Variants in AMBRA1 observed in about 807,000 individuals in gnomAD.
AMBRA1 encodes the protein activating molecule in BECN1-regulated autophagy protein 1.
AMBRA1 carries 47 observed loss-of-function variants against 125.4 expected under a neutral mutation model. The observed-to-expected ratio is 0.37, with a 90% CI of 0.30 to 0.48. The LOEUF (loss-of-function observed/expected upper bound fraction) is 0.48, where lower values mean the gene tolerates loss of function less well. Ranked by LOEUF, AMBRA1 falls within the 20% of genes least tolerant of loss-of-function variation. AMBRA1 has a pLI of 0.99. For missense variants in AMBRA1, 1,331 were observed against 1,693.4 expected (o/e 0.79, Z 3.76); for synonymous variants, 626 against 655.5 (o/e 0.95, Z 0.69).
chr11:46,550,741 G>C (rs949155717), intron 1 of AMBRA1, among the ~76,000 whole-genome samples: 3 of 151,962 alleles, frequency 2.0e-5, no homozygotes, highest in Non-Finnish European at 4.4e-5. Context: ...TCCATCTAAA[G>C]GGTACTGGAT....
intron 7 of AMBRA1, among the ~76,000 whole-genome samples, chr11:46,537,975 T>C (rs779584306): frequency 2.4e-4 from 36 of 152,310 alleles, no homozygotes; most frequent in Non-Finnish European, 8.8e-5. Flanking sequence ...ACACCTTTTC[T>C]TCCCAGTCAT....
intron 14 of AMBRA1, among the ~76,000 whole-genome samples, chr11:46,419,430 C>T (rs762915822): frequency 6.6e-6 from 1 of 152,178 alleles, no homozygotes; most frequent in Non-Finnish European, 1.5e-5. Context: ...AGAACAAACA[C>T]ATACATTCAA....
chr11:46,512,690 TC>T (rs1590994540), intron 8 of AMBRA1, 36 bp downstream of exon 8: 4 of 1,585,216 alleles, frequency 2.5e-6, no homozygotes, highest in Middle Eastern at 1.8e-4. Context: ...GGGCCGCCCC[TC>T]CCCCCACCTA....
chr11:46,409,890 T>C (rs1946202679), intron 16 of AMBRA1, among the ~76,000 whole-genome samples: 1 of 152,218 alleles, frequency 6.6e-6, no homozygotes. Context: ...AGAGGATTTG[T>C]CCCTGGGCTA....
intron 7 of AMBRA1, among the ~76,000 whole-genome samples, chr11:46,530,877 C>T (rs1261832433): frequency 6.6e-6 from 1 of 152,176 alleles, no homozygotes; most frequent in African/African-American, 2.4e-5. Context: ...GCCACACTCT[C>T]ATTCATTGAT....
intron 1 of AMBRA1, among the ~76,000 whole-genome samples, chr11:46,584,732 G>A (rs936307617): frequency 2.6e-5 from 4 of 151,836 alleles, no homozygotes; most frequent in Admixed American, 6.6e-5. Flanking sequence ...CCTCAGCCTC[G>A]CAAGCAGCTG....
At chr11:46,409,168 G>T (rs944088723) in intron 16 of AMBRA1, among the ~76,000 whole-genome samples, 2 of 151,950 alleles carry the variant, frequency 1.3e-5, no homozygotes, top group African/African-American at 4.8e-5. Context: ...GAATTTGCAA[G>T]TGAACTGAGA....
intron 11 of AMBRA1, among the ~76,000 whole-genome samples, chr11:46,452,186 T>G (rs1022652714): frequency 6.6e-6 from 1 of 152,162 alleles, no homozygotes; most frequent in African/African-American, 2.4e-5. Flanking sequence ...TAAAAAATGG[T>G]AATCCTATTT....
intron 7 of AMBRA1, among the ~76,000 whole-genome samples, chr11:46,529,392 A>G (rs970255988): frequency 2.2e-4 from 34 of 152,316 alleles, no homozygotes; most frequent in African/African-American, 7.9e-4. Context: ...TCAGCATGTC[A>G]GCCTACAGCA....
chr11:46,460,201 T>C (rs954789015), intron 11 of AMBRA1, among the ~76,000 whole-genome samples: 2 of 152,248 alleles, frequency 1.3e-5, no homozygotes, highest in African/African-American at 4.8e-5. Flanking sequence ...GAATGACTAT[T>C]AGAATACTAT....
At chr11:46,564,979 A>G (rs187751765) in intron 1 of AMBRA1, among the ~76,000 whole-genome samples, 1 of 152,312 alleles carries the variant, frequency 6.6e-6, no homozygotes, top group East Asian at 1.9e-4. Context: ...AATCATGGCC[A>G]GGTGCAAAGG....
chr11:46,508,720 T>C (rs1231586900), intron 8 of AMBRA1, among the ~76,000 whole-genome samples: 1 of 152,218 alleles, frequency 6.6e-6, no homozygotes, highest in Admixed American at 6.5e-5. Context: ...TGCTCATTCA[T>C]AGCTTTTCCT....
At chr11:46,501,984 G>A (rs1565224863) in intron 9 of AMBRA1, among the ~76,000 whole-genome samples, 1 of 152,194 alleles carries the variant, frequency 6.6e-6, no homozygotes, top group East Asian at 1.9e-4. Flanking sequence ...AAGACTTACA[G>A]CTCTTTTCTA....
At chr11:46,467,095 T>G (rs2136862573) in intron 11 of AMBRA1, among the ~76,000 whole-genome samples, 1 of 152,144 alleles carries the variant, frequency 6.6e-6, no homozygotes, top group South Asian at 2.1e-4. Flanking sequence ...TTTTGTATTT[T>G]TAGTAGAGAA....
At chr11:46,408,471 A>G (rs1318409718) in intron 17 of AMBRA1, 42 bp downstream of exon 17, 1 of 1,468,302 alleles carries the variant, frequency 6.8e-7, no homozygotes, top group African/African-American at 1.4e-5. Flanking sequence ...ACTCGGTCTT[A>G]GGGTCCCTCT....
At chr11:46,491,553 T>C (rs1173983175) in intron 11 of AMBRA1, among the ~76,000 whole-genome samples, 1 of 152,174 alleles carries the variant, frequency 6.6e-6, no homozygotes, top group Non-Finnish European at 1.5e-5. Flanking sequence ...GCCAATAGAA[T>C]CTGGAGGGAC....
chr11:46,476,430 G>A (rs771179552), intron 11 of AMBRA1, among the ~76,000 whole-genome samples: 81 of 152,178 alleles, frequency 5.3e-4, no homozygotes, highest in Non-Finnish European at 9.1e-4. Context: ...GGGGAGATAC[G>A]TAAAGAGTCC....
intron 17 of AMBRA1, among the ~76,000 whole-genome samples, chr11:46,406,133 A>C (rs939595599): frequency 1.3e-5 from 2 of 151,536 alleles, no homozygotes; most frequent in African/African-American, 4.8e-5. Context: ...GGCTCATTGC[A>C]ACCTCTGCCT....
chr11:46,415,056 G>C (rs774873649), intron 15 of AMBRA1, among the ~76,000 whole-genome samples: 1 of 152,112 alleles, frequency 6.6e-6, no homozygotes, highest in Non-Finnish European at 1.5e-5. Context: ...CACCTGTTTC[G>C]GAGGGAGGGC....
Sources: allele counts gnomAD v4.1 joint callset (sites outside exome capture counted in the v4.1 genomes callset), GRCh38; gene constraint gnomAD v4.1.1; transcripts MANE v1.5; gene names NCBI Gene and HGNC (gene_info 2026-07-23, HGNC 2026-07-21).